Variants in GPC6 observed in about 807,000 individuals in gnomAD.
The protein encoded by GPC6 is glypican-6.
A neutral mutation model predicts 55.2 loss-of-function variants in GPC6; 14 were observed. That is an observed-to-expected ratio of 0.25 (90% CI 0.17 to 0.40). The LOEUF (loss-of-function observed/expected upper bound fraction) is 0.40, where lower values mean the gene tolerates loss of function less well. Ranked by LOEUF, GPC6 falls within the 10% of genes least tolerant of loss-of-function variation. The pLI, the probability that GPC6 is intolerant of heterozygous loss-of-function variation, is 1.00. For synonymous variants in GPC6, 278 were observed against 259.6 expected, an observed-to-expected ratio of 1.07 and a Z score of -0.68; for missense variants, 641 against 708.5, an observed-to-expected ratio of 0.90 and a Z score of 1.08.
intron 1 of GPC6, among the ~76,000 whole-genome samples, chr13:93,308,970 G>T (rs1217047293): frequency 1.3e-5 from 2 of 152,116 alleles, no homozygotes; most frequent in Admixed American, 1.3e-4. Flanking sequence ...CATTCATTCA[G>T]TCAGTCATCC....
intron 1 of GPC6, among the ~76,000 whole-genome samples, chr13:93,251,288 C>T (rs1322682799): frequency 6.6e-6 from 1 of 152,130 alleles, no homozygotes; most frequent in African/African-American, 2.4e-5. Flanking sequence ...GACTGGAATT[C>T]AAGCCCTTCT....
chr13:94,178,129 C>A (rs542144292), intron 4 of GPC6, among the ~76,000 whole-genome samples: 1 of 150,460 alleles, frequency 6.6e-6, no homozygotes, highest in Admixed American at 6.6e-5. Context: ...AGCGATTCTC[C>A]TGCCTCAGCC....
At chr13:93,920,029 C>A (rs959284208) in intron 3 of GPC6, among the ~76,000 whole-genome samples, 1 of 152,136 alleles carries the variant, frequency 6.6e-6, no homozygotes, top group African/African-American at 2.4e-5. Flanking sequence ...TCCAGCCTCT[C>A]CCATAATAAT....
At position 94,399,096 on chromosome 13, in the gene GPC6, C is replaced by G. The variant is rs143471750; in HGVS notation, c.1465+455C>G. Among the ~76,000 whole-genome samples, 5 of 152,286 alleles carry G rather than the reference C, an allele frequency of 3.3e-5. No individual in the cohort carries two copies. In the East Asian group the frequency reaches 7.7e-4, roughly 24 times the overall value. ...TTAATTAGAGTCTCTACAAATTACT[C>G]TACTTCTTGAGTCTCAGGTTCCTCT... On this transcript the variant is annotated intron_variant, in intron 8 of 8. Coordinates refer to ENST00000377047, the MANE Select transcript of GPC6 (RefSeq NM_005708.5).
At chr13:93,422,136 A>G (rs1378313263) in intron 1 of GPC6, among the ~76,000 whole-genome samples, 1 of 152,130 alleles carries the variant, frequency 6.6e-6, no homozygotes, top group Non-Finnish European at 1.5e-5. Context: ...CAATAAATGC[A>G]CATTTGTTGG....
At chr13:94,328,135 A>G (rs140782211) in intron 6 of GPC6, among the ~76,000 whole-genome samples, 109 of 152,292 alleles carry the variant, frequency 7.2e-4, no homozygotes, top group Non-Finnish European at 1.3e-3. Context: ...GATCATTTAC[A>G]TGAGAAACTT....
At chr13:94,010,982 T>C (rs1345278257) in intron 3 of GPC6, among the ~76,000 whole-genome samples, 1 of 152,140 alleles carries the variant, frequency 6.6e-6, no homozygotes, top group East Asian at 1.9e-4. Context: ...ACCAAGATGA[T>C]ATTAAAGTTT....
Position 94,165,050 on chromosome 13 carries a change from C to A in GPC6, c.878-121299C>A, listed in dbSNP as rs376562145. Among the ~76,000 whole-genome samples, 21 of 151,906 alleles carry A rather than the reference C, an allele frequency of 1.4e-4. No individual in the cohort carries two copies. The East Asian group carries it at 3.1e-3, about 22-fold the overall frequency. On this transcript the variant is annotated intron_variant, in intron 4 of 8. Transcript: ENST00000377047. The stretch of plus-strand genomic sequence containing the variant: ...ATCCAGCATCCCCACTCCTGGGTAT[C>A]TTCCCAGAGGAAAAAAAGTCACTAT...
chr13:93,473,086 CCA>C (rs1879181453), intron 1 of GPC6, among the ~76,000 whole-genome samples: 1 of 152,160 alleles, frequency 6.6e-6, no homozygotes, highest in Non-Finnish European at 1.5e-5. Flanking sequence ...CCATGGGTGG[CCA>C]TGGGTGGGCC....
At chr13:94,252,527 C>T (rs78193581) in intron 4 of GPC6, among the ~76,000 whole-genome samples, 1 of 151,960 alleles carries the variant, frequency 6.6e-6, no homozygotes, top group East Asian at 1.9e-4. Flanking sequence ...CGGATAATGG[C>T]GATTTCAATG....
At chr13:94,064,922 A>T (rs769259921) in intron 4 of GPC6, among the ~76,000 whole-genome samples, 2 of 152,162 alleles carry the variant, frequency 1.3e-5, no homozygotes, top group Non-Finnish European at 2.9e-5. Context: ...CTTTTAAATG[A>T]ATCTTTACAA....
intron 6 of GPC6, among the ~76,000 whole-genome samples, chr13:94,328,475 A>T (rs906896120): frequency 1.3e-5 from 2 of 152,156 alleles, no homozygotes; most frequent in Non-Finnish European, 2.9e-5. Context: ...CTTCCTGGGG[A>T]TGCTGGAACA....
intron 5 of GPC6, among the ~76,000 whole-genome samples, chr13:94,297,954 A>G (rs1875433733): frequency 6.6e-6 from 1 of 152,170 alleles, no homozygotes; most frequent in Non-Finnish European, 1.5e-5. Flanking sequence ...AAGACAAAAG[A>G]TGACTAGAGA....
At chr13:94,203,906 A>G (rs1889827675) in intron 4 of GPC6, among the ~76,000 whole-genome samples, 1 of 151,902 alleles carries the variant, frequency 6.6e-6, no homozygotes, top group South Asian at 2.1e-4. Context: ...TTCTTGTATT[A>G]TAGTTTTTCT....
At chr13:94,202,709 A>T (rs1889791626) in intron 4 of GPC6, among the ~76,000 whole-genome samples, 1 of 152,180 alleles carries the variant, frequency 6.6e-6, no homozygotes, top group Non-Finnish European at 1.5e-5. Flanking sequence ...ACCTTGAGAA[A>T]TGTTTGATGT....
chr13:94,150,197 CTTCCAGTCAATCAT>C (rs1887690049), intron 4 of GPC6, among the ~76,000 whole-genome samples: 1 of 152,098 alleles, frequency 6.6e-6, no homozygotes, highest in South Asian at 2.1e-4. Flanking sequence ...CAGCCAATCA[CTTCCAGTCAATCAT>C]GTTTCCTTAG....
intron 1 of GPC6, among the ~76,000 whole-genome samples, chr13:93,244,484 C>G (rs1443527795): frequency 6.6e-6 from 1 of 152,228 alleles, no homozygotes; most frequent in Non-Finnish European, 1.5e-5. Context: ...GTGGCCATCT[C>G]CTGAGTTAGC....
chr13:93,333,212 T>C (rs1879915538), intron 1 of GPC6, among the ~76,000 whole-genome samples: 1 of 152,196 alleles, frequency 6.6e-6, no homozygotes, highest in Non-Finnish European at 1.5e-5. Flanking sequence ...TTAGGACTTT[T>C]TTTCTGTGTT....
chr13:93,574,770 T>A (rs994333399), intron 2 of GPC6, among the ~76,000 whole-genome samples: 22 of 152,182 alleles, frequency 1.4e-4, no homozygotes, highest in Non-Finnish European at 2.9e-4. Flanking sequence ...CTCATGTGCG[T>A]TCTGTCTAGA....
Sources: allele counts gnomAD v4.1 joint callset (sites outside exome capture counted in the v4.1 genomes callset), GRCh38; gene constraint gnomAD v4.1.1; transcripts MANE v1.5; gene names NCBI Gene and HGNC (gene_info 2026-07-23, HGNC 2026-07-21).